The following ADGRL2 variants were observed in gnomAD, a reference collection of about 807,000 sequenced individuals.
ADGRL2 encodes calcium-independent alpha-latrotoxin receptor 2.
ADGRL2 carries 44 observed loss-of-function variants against 157.4 expected under a neutral mutation model. The observed-to-expected ratio is 0.28, with a 90% confidence interval of 0.22 to 0.36. ADGRL2 has a LOEUF of 0.36. Ranked by LOEUF, ADGRL2 falls within the 10% of genes least tolerant of loss-of-function variation. The pLI is 1.00. For missense variants in ADGRL2, 1,510 were observed against 1,768.9 expected, an observed-to-expected ratio of 0.85 and a Z score of 2.63; for synonymous variants, 585 against 624.7, an observed-to-expected ratio of 0.94 and a Z score of 0.95.
intron 1 of ADGRL2, among the ~76,000 whole-genome samples, chr1:81,342,541 G>A (rs1373365435): frequency 1.3e-5 from 2 of 152,074 alleles, no homozygotes; most frequent in East Asian, 3.8e-4. Context: ...ATTCCATCTG[G>A]CAATTTAGTC....
At chr1:81,545,970 G>A (rs927818359) in intron 2 of ADGRL2, among the ~76,000 whole-genome samples, 6 of 152,108 alleles carry the variant, frequency 3.9e-5, no homozygotes, top group Non-Finnish European at 7.3e-5. Context: ...CTCTGCTGTC[G>A]GCAGGCCTGG....
intron 1 of ADGRL2, among the ~76,000 whole-genome samples, chr1:81,358,909 C>T (rs1479352155): frequency 6.6e-6 from 1 of 151,546 alleles, no homozygotes; most frequent in East Asian, 1.9e-4. Flanking sequence ...AGGAAAGTTC[C>T]CTAAAGAAGT....
At chr1:81,324,992 C>T (rs1036807386) in intron 1 of ADGRL2, among the ~76,000 whole-genome samples, 64 of 152,238 alleles carry the variant, frequency 4.2e-4, no homozygotes, top group Non-Finnish European at 7.4e-4. Context: ...GCTGGGATTA[C>T]AGTCATGAGC....
chr1:81,538,452 T>C (rs1384512775), intron 2 of ADGRL2, among the ~76,000 whole-genome samples: 1 of 152,128 alleles, frequency 6.6e-6, no homozygotes, highest in African/African-American at 2.4e-5. Flanking sequence ...GGAAAGGAAA[T>C]GCATGCTTCT....
chr1:81,411,070 T>C (rs1448176033), intron 1 of ADGRL2, among the ~76,000 whole-genome samples: 3 of 152,218 alleles, frequency 2.0e-5, no homozygotes, highest in Non-Finnish European at 4.4e-5. Flanking sequence ...TTGCCACTAT[T>C]ACTGGCTCCA....
At chr1:81,808,278 T>C (rs1473551901) in intron 1 of ADGRL2, among the ~76,000 whole-genome samples, 1 of 151,984 alleles carries the variant, frequency 6.6e-6, no homozygotes, top group African/African-American at 2.4e-5. Context: ...AAAAAATCAA[T>C]TTAGGTTGAA....
intron 2 of ADGRL2, among the ~76,000 whole-genome samples, chr1:81,454,260 T>G (rs914623329): frequency 2.0e-5 from 3 of 152,116 alleles, no homozygotes; most frequent in Non-Finnish European, 4.4e-5. Flanking sequence ...AACCTTGTCA[T>G]GCAAATGTAG....
chr1:81,971,233 G>A (rs966034224), intron 16 of ADGRL2, among the ~76,000 whole-genome samples: 1 of 152,084 alleles, frequency 6.6e-6, no homozygotes, highest in Non-Finnish European at 1.5e-5. Flanking sequence ...GAAATTCAGT[G>A]GGGATTCCAT....
intron 4 of ADGRL2, among the ~76,000 whole-genome samples, chr1:81,941,630 T>C (rs1648036721): frequency 6.6e-6 from 1 of 151,886 alleles, no homozygotes; most frequent in Non-Finnish European, 1.5e-5. Flanking sequence ...GGGGATGATA[T>C]ACCTATGCAT....
chr1:81,704,163 G>A (rs561376164), intron 1 of ADGRL2, among the ~76,000 whole-genome samples: 1 of 152,318 alleles, frequency 6.6e-6, no homozygotes, highest in Non-Finnish European at 1.5e-5. Context: ...CCACCTGGGT[G>A]AAACACCAAA....
intron 2 of ADGRL2, among the ~76,000 whole-genome samples, chr1:81,893,478 C>T (rs2094315368): frequency 6.6e-6 from 1 of 152,162 alleles, no homozygotes; most frequent in African/African-American, 2.4e-5. Context: ...GGCATGGCAA[C>T]AATGGCTCTC....
At chr1:81,682,361 G>A (rs2083137609) in intron 3 of ADGRL2, among the ~76,000 whole-genome samples, 1 of 152,174 alleles carries the variant, frequency 6.6e-6, no homozygotes, top group Non-Finnish European at 1.5e-5. Flanking sequence ...ATTAATGACA[G>A]TAATTTCTTT....
intron 2 of ADGRL2, among the ~76,000 whole-genome samples, chr1:81,870,230 T>C (rs1180904305): frequency 6.6e-6 from 1 of 152,126 alleles, no homozygotes; most frequent in Non-Finnish European, 1.5e-5. Context: ...ACACCTTTTA[T>C]TTACTCCTAA....
chr1:81,791,063 TCTC>T (rs2087315465), intron 2 of ADGRL2, among the ~76,000 whole-genome samples: 1 of 52,848 alleles, frequency 1.9e-5, no homozygotes, highest in African/African-American at 7.7e-5. Context: ...CAAGACCCTA[TCTC>T]AAAAAAAAAA....
At chr1:81,567,987 C>CT (rs1184083925) in intron 2 of ADGRL2, among the ~76,000 whole-genome samples, 13 of 151,586 alleles carry the variant, frequency 8.6e-5, no homozygotes, top group South Asian at 2.1e-4. Context: ...TACTGTAATA[C>CT]TTTTTTTTAA....
At chr1:81,833,094 T>A (rs1365688929) in intron 1 of ADGRL2, among the ~76,000 whole-genome samples, 1 of 152,220 alleles carries the variant, frequency 6.6e-6, no homozygotes, top group Non-Finnish European at 1.5e-5. Flanking sequence ...GCGGCTCTTG[T>A]TAGTAAATTC....
At chr1:81,647,098 G>T (rs2082329256) in intron 3 of ADGRL2, among the ~76,000 whole-genome samples, 1 of 152,198 alleles carries the variant, frequency 6.6e-6, no homozygotes, top group African/African-American at 2.4e-5. Context: ...CATGCTCAAT[G>T]TAAATTTGGC....
chr1:81,434,694 T>C (rs1249226647), intron 1 of ADGRL2, among the ~76,000 whole-genome samples: 1 of 152,032 alleles, frequency 6.6e-6, no homozygotes, highest in Non-Finnish European at 1.5e-5. Flanking sequence ...TTAGAATGAG[T>C]ATCATCTCTC....
chr1:81,421,322 A>G (rs1304696964), intron 1 of ADGRL2, among the ~76,000 whole-genome samples: 1 of 152,208 alleles, frequency 6.6e-6, no homozygotes, highest in African/African-American at 2.4e-5. Flanking sequence ...ATAACTAGAG[A>G]TAAAGCTCAT....
Sources: allele counts gnomAD v4.1 joint callset (sites outside exome capture counted in the v4.1 genomes callset), GRCh38; gene constraint gnomAD v4.1.1; transcripts MANE v1.5; gene names NCBI Gene and HGNC (gene_info 2026-07-23, HGNC 2026-07-21).